ZNF578: variants seen among roughly 807,000 people sequenced by gnomAD.
ZNF578 encodes zinc finger protein 578, also known as Putative chemokine-related protein B42.
Under a neutral mutation model 8.3 loss-of-function variants are expected in ZNF578, and 8 were observed. That is an observed-to-expected ratio of 0.96 (90% confidence interval 0.56 to 1.74). The LOEUF is 1.74. ZNF578 is among the 40% of genes most tolerant of loss of function. ZNF578 has a pLI of 0.00. For missense variants in ZNF578, 726 were observed against 707.5 expected, an observed-to-expected ratio of 1.03 and a Z score of -0.30; for synonymous variants, 206 against 232.2, an observed-to-expected ratio of 0.89 and a Z score of 1.03.
chr19:52,476,214 G>A (rs2059307932), intron 2 of ZNF578, among the ~76,000 whole-genome samples: 5 of 152,028 alleles, frequency 3.3e-5, no homozygotes, highest in Admixed American at 3.3e-4. Context: ...GGTTTAATTT[G>A]TGCATTAACA....
chr19:52,489,287 C>T (rs1276835083), intron 2 of ZNF578, among the ~76,000 whole-genome samples: 2 of 152,066 alleles, frequency 1.3e-5, no homozygotes, highest in Non-Finnish European at 2.9e-5. Flanking sequence ...CTTTGTCTCC[C>T]TTTATAAAAG....
intron 3 of ZNF578, among the ~76,000 whole-genome samples, chr19:52,496,825 T>C (rs2059388546): frequency 6.6e-6 from 1 of 151,348 alleles, no homozygotes; most frequent in South Asian, 2.1e-4. Context: ...TCAGTAGAAA[T>C]GGGGTTTCTC....
At chr19:52,507,994 A>T (rs2059431271) in intron 5 of ZNF578, among the ~76,000 whole-genome samples, 2 of 151,814 alleles carry the variant, frequency 1.3e-5, no homozygotes, top group African/African-American at 4.8e-5. Context: ...GGTTATGGTG[A>T]GCCGAGATCA....
Position 52,511,592 on chromosome 19 carries a change from G to A in ZNF578, c.1211G>A (p.Cys404Tyr), listed in dbSNP as rs1287192200. 1.2e-6 allele frequency: 2 copies of A among 1,613,302 alleles called. No individual in the cohort carries two copies. Among genetic ancestry groups the A allele is most frequent in the East Asian group, 4.5e-5 (2 of 44,880 alleles). Reference sequence around the variant, plus strand: ...GAGAAACCTTACAAGTGTAATGAATGTGGCAAGGCTTTTAATCAACAATCA... The same window carrying A: ...GAGAAACCTTACAAGTGTAATGAATATGGCAAGGCTTTTAATCAACAATCA... ...TGEKPYKCNE[C>Y]GKAFNQQSHL... The change falls in exon 6 of 6, where the codon TGT becomes TAT. Residue 404 changes from cysteine (C) to tyrosine (Y), a missense_variant. Transcript: ENST00000421239.
rs1198856912 is a variant in ZNF578 at position 52,459,765 on chromosome 19, A to ATT, written c.-122+2808_-122+2809insTT. On this transcript the variant is annotated intron_variant, in intron 2 of 5. Coordinates refer to ENST00000421239, the MANE Select transcript of ZNF578 (RefSeq NM_001099694.2). ...TGTGTGTGTGTGTATATATATATAT[A>ATT]TATATTTTTTTTTTTTTTTTTTTTT... 9.5e-4 allele frequency among the ~76,000 whole-genome samples: 7 copies of ATT among 7,386 alleles called. 1 individual carries two copies. Among genetic ancestry groups the ATT allele is most frequent in the African/African-American group, 1.5e-3 (5 of 3,334 alleles). 4.8% of individuals were successfully genotyped at this position (7,386 alleles called of 152,430 possible). A position where few individuals can be genotyped will look rare whatever the true frequency, so the allele number is the denominator to read the frequency against.
At chr19:52,493,533 C>T (rs1054402189) in intron 3 of ZNF578, among the ~76,000 whole-genome samples, 1 of 152,120 alleles carries the variant, frequency 6.6e-6, no homozygotes, top group Non-Finnish European at 1.5e-5. Context: ...GGGAGAAACA[C>T]AGCAGGGAGG....
intron 2 of ZNF578, among the ~76,000 whole-genome samples, chr19:52,469,488 T>G (rs964754726): frequency 2.6e-5 from 4 of 152,160 alleles, no homozygotes; most frequent in African/African-American, 4.8e-5. Context: ...AGGATGAATT[T>G]CCTTAGTTGG....
intron 2 of ZNF578, among the ~76,000 whole-genome samples, chr19:52,468,567 T>C (rs1428347079): frequency 6.6e-6 from 1 of 152,154 alleles, no homozygotes; most frequent in East Asian, 1.9e-4. Flanking sequence ...TGGTTAATAT[T>C]AGGTGTCAAC....
chr19:52,507,185 C>T (rs866999747), intron 5 of ZNF578, among the ~76,000 whole-genome samples: 7 of 152,064 alleles, frequency 4.6e-5, no homozygotes, highest in South Asian at 4.1e-4. Flanking sequence ...GTCAGAAGTT[C>T]GAGACCAGCC....
chr19:52,511,758 A>C lies in ZNF578; in HGVS notation c.1377A>C (p.Glu459Asp). The C allele has an allele frequency of 6.2e-7, 1 of 1,613,098 alleles. No individual in the cohort carries two copies. Among genetic ancestry groups the C allele is most frequent in the Non-Finnish European group, 8.5e-7 (1 of 1,179,764 alleles). The change falls in exon 6 of 6, where the codon GAA (glutamate) becomes GAC (aspartate). Residue 459 changes from glutamate to aspartate, a missense_variant. Glu to Asp is a conservative substitution (Grantham distance 45, BLOSUM62 2). Coordinates refer to ENST00000421239, the MANE Select transcript of ZNF578 (RefSeq NM_001099694.2). The part of the protein sequence containing the change: ...HTGEKSYKCE[E>D]CDRVFSQKSN... ...GAGAGAAATCTTACAAATGTGAAGA[A>C]TGTGACAGAGTTTTCAGTCAGAAAT...
At chr19:52,499,641 C>T (rs983003809) in intron 3 of ZNF578, among the ~76,000 whole-genome samples, 1 of 150,516 alleles carries the variant, frequency 6.6e-6, no homozygotes. Context: ...CATAGAGAAA[C>T]GTACATGTAT....
chr19:52,479,679 A>G (rs551948957), intron 2 of ZNF578, among the ~76,000 whole-genome samples: 2 of 152,288 alleles, frequency 1.3e-5, no homozygotes, highest in South Asian at 2.1e-4. Flanking sequence ...AAACAGTAAG[A>G]TAGTTTGAGA....
intron 5 of ZNF578, among the ~76,000 whole-genome samples, chr19:52,509,826 A>G (rs2059438152): frequency 6.6e-6 from 1 of 152,110 alleles, no homozygotes; most frequent in Non-Finnish European, 1.5e-5. Context: ...GGATATATGT[A>G]ATTTTATGAC....
chr19:52,501,198 C>G (rs1348016544), intron 3 of ZNF578, among the ~76,000 whole-genome samples: 4 of 152,084 alleles, frequency 2.6e-5, no homozygotes, highest in Admixed American at 2.0e-4. Flanking sequence ...ATTTTTGTGC[C>G]TTTGTCATCC....
At chr19:52,492,157 CAAAAAAAAAAAAAAAAAAAAAAAA>C (rs869249180) in intron 3 of ZNF578, among the ~76,000 whole-genome samples, 3 of 67,638 alleles carry the variant, frequency 4.4e-5, no homozygotes, top group Non-Finnish European at 8.4e-5. Flanking sequence ...GATTCTGTCT[CAAAAAAAAAAAAAAAAAAAAAAAA>C]AAAAAAAAAG....
At chr19:52,493,343 T>A (rs528431813) in intron 3 of ZNF578, among the ~76,000 whole-genome samples, 14 of 152,098 alleles carry the variant, frequency 9.2e-5, no homozygotes, top group Non-Finnish European at 1.6e-4. Context: ...GCTGCTCCCG[T>A]AGTCTTCCCT....
chr19:52,495,538 G>A (rs1453348822), intron 3 of ZNF578, among the ~76,000 whole-genome samples: 1 of 151,516 alleles, frequency 6.6e-6, no homozygotes, highest in Non-Finnish European at 1.5e-5. Flanking sequence ...GAAACAGATG[G>A]AGAGAGAAAG....
chr19:52,501,243 C>T (rs7246790), intron 3 of ZNF578, among the ~76,000 whole-genome samples: 1 of 152,096 alleles, frequency 6.6e-6, no homozygotes, highest in Non-Finnish European at 1.5e-5. Context: ...TGGCCCCAAG[C>T]GGAGGGCAGA....
chr19:52,477,516 C>G (rs1289917592), intron 2 of ZNF578, among the ~76,000 whole-genome samples: 2 of 151,898 alleles, frequency 1.3e-5, no homozygotes, highest in African/African-American at 4.8e-5. Context: ...ATTGTAAGGT[C>G]CTTTCTCTCT....
Sources: allele counts gnomAD v4.1 joint callset (sites outside exome capture counted in the v4.1 genomes callset), GRCh38; gene constraint gnomAD v4.1.1; transcripts MANE v1.5; gene names NCBI Gene and HGNC (gene_info 2026-07-23, HGNC 2026-07-21).